The following VPS13D variants were observed in gnomAD, a reference collection of about 807,000 sequenced individuals.
The protein encoded by VPS13D is intermembrane lipid transfer protein VPS13D.
A neutral mutation model predicts 461.9 loss-of-function variants in VPS13D; 187 were observed. That is an observed-to-expected ratio of 0.40 (90% confidence interval 0.36 to 0.46). VPS13D has a LOEUF of 0.46. Among genes scored for constraint, VPS13D ranks in the 20% least tolerant of loss-of-function variants. The pLI is 0.60. For synonymous variants in VPS13D, 1,951 were observed against 1,986.3 expected, an observed-to-expected ratio of 0.98 and a Z score of 0.47; for missense variants, 4,711 against 5,364.9, an observed-to-expected ratio of 0.88 and a Z score of 3.81.
chr1:12,358,581 C>G lies in VPS13D; in HGVS notation c.10121C>G (p.Pro3374Arg), dbSNP rs751742145. ...AAAGTCATCCAGCAAGGAAACCGCC[C>G]AGGGCTGATCTATAACATTGGTGGG... ...ALKVIQQGNR[P>R]GLIYNIGIDV... The change falls in exon 50 of 70, where the codon CCA becomes CGA. Residue 3374 changes from proline to arginine, a missense_variant. Coordinates refer to ENST00000620676, the MANE Select transcript of VPS13D (RefSeq NM_015378.4). 1 of 1,614,068 alleles carries G rather than the reference C, an allele frequency of 6.2e-7. No individual in the cohort carries two copies. Among genetic ancestry groups the G allele is most frequent in the South Asian group, 1.1e-5 (1 of 91,078 alleles).
chr1:12,262,801 T>A (rs1641151944), intron 13 of VPS13D, among the ~76,000 whole-genome samples: 1 of 151,932 alleles, frequency 6.6e-6, no homozygotes, highest in African/African-American at 2.4e-5. Flanking sequence ...CCTCTTGGGT[T>A]CAAGCGATTT....
In VPS13D at chr1:12,491,416, T is replaced by G. The variant is rs559372833; in HGVS notation, c.12663-6084T>G. ...CAGCATCTGTCTTAACTAACAGACC[T>G]ATGACATAGTTACTCATCGTATAAG... On this transcript the variant is annotated intron_variant, in intron 67 of 69. Transcript: ENST00000620676. Among the ~76,000 whole-genome samples, 3 of 152,368 alleles carry G rather than the reference T, an allele frequency of 2.0e-5. No homozygotes were observed. In the East Asian group the frequency reaches 5.8e-4, roughly 29 times the overall value.
intron 55 of VPS13D, among the ~76,000 whole-genome samples, chr1:12,377,723 G>A (rs1213066674): frequency 2.7e-5 from 4 of 150,404 alleles, no homozygotes; most frequent in Non-Finnish European, 2.9e-5. Flanking sequence ...GGGAGGCTGA[G>A]GCAGGAGAAT....
At chr1:12,247,886 ATTT>A (rs573458027) in intron 5 of VPS13D, among the ~76,000 whole-genome samples, 6 of 118,818 alleles carry the variant, frequency 5.0e-5, no homozygotes, top group Admixed American at 1.7e-4. Flanking sequence ...GTATTTTTGT[ATTT>A]TTTTTTTTTT....
intron 37 of VPS13D, among the ~76,000 whole-genome samples, chr1:12,330,237 G>A (rs1276278367): frequency 2.6e-5 from 4 of 152,066 alleles, no homozygotes; most frequent in Non-Finnish European, 4.4e-5. Flanking sequence ...CCAATGTGGC[G>A]AAACCCTGTC....
intron 29 of VPS13D, among the ~76,000 whole-genome samples, chr1:12,313,146 C>T (rs544526052): frequency 6.6e-6 from 1 of 152,098 alleles, no homozygotes; most frequent in South Asian, 2.1e-4. Context: ...GACTTCAAGG[C>T]CAGTGATTCC....
intron 67 of VPS13D, among the ~76,000 whole-genome samples, chr1:12,486,786 G>A (rs917269422): frequency 6.6e-6 from 1 of 152,198 alleles, no homozygotes; most frequent in Non-Finnish European, 1.5e-5. Flanking sequence ...GGCTTCGGAA[G>A]CAGCACGTCT....
At chr1:12,480,317 G>C (rs543348986) in intron 67 of VPS13D, among the ~76,000 whole-genome samples, 5 of 152,322 alleles carry the variant, frequency 3.3e-5, no homozygotes, top group South Asian at 2.1e-4. Context: ...GACTGTCCCA[G>C]GTGCATGTGC....
intron 67 of VPS13D, among the ~76,000 whole-genome samples, chr1:12,486,429 C>G (rs1463496460): frequency 3.9e-5 from 6 of 152,188 alleles, no homozygotes; most frequent in Non-Finnish European, 7.3e-5. Context: ...GTGACCTGAT[C>G]CCTTGGTCAG....
intron 44 of VPS13D, among the ~76,000 whole-genome samples, chr1:12,347,871 G>A (rs563865878): frequency 2.0e-5 from 3 of 152,258 alleles, no homozygotes; most frequent in African/African-American, 7.2e-5. Context: ...CCTGTCACAT[G>A]GTATTAGCAC....
intron 60 of VPS13D, among the ~76,000 whole-genome samples, chr1:12,386,814 G>A (rs1644356145): frequency 6.6e-6 from 1 of 152,216 alleles, no homozygotes; most frequent in African/African-American, 2.4e-5. Flanking sequence ...TGCTTTGACA[G>A]GTGGGAAACA....
chr1:12,252,343 C>T (rs939875529), intron 6 of VPS13D, among the ~76,000 whole-genome samples: 3 of 152,146 alleles, frequency 2.0e-5, no homozygotes, highest in Middle Eastern at 3.2e-3. Flanking sequence ...AATACTGCCC[C>T]CACCGCACAC....
At chr1:12,429,190 G>A (rs1203826225) in intron 65 of VPS13D, among the ~76,000 whole-genome samples, 2 of 151,790 alleles carry the variant, frequency 1.3e-5, no homozygotes, top group Non-Finnish European at 2.9e-5. Flanking sequence ...TTGTATCCAT[G>A]TGGGCTGTCT....
chr1:12,254,774 C>T (rs929199702), intron 7 of VPS13D, among the ~76,000 whole-genome samples: 22 of 150,400 alleles, frequency 1.5e-4, no homozygotes, highest in African/African-American at 3.9e-4. Flanking sequence ...GTGATCCACC[C>T]GCCTTGGCCT....
At chr1:12,477,077 A>G (rs1257141441) in intron 67 of VPS13D, among the ~76,000 whole-genome samples, 2 of 152,226 alleles carry the variant, frequency 1.3e-5, no homozygotes, top group Non-Finnish European at 2.9e-5. Context: ...GTGGGCATGT[A>G]GTTGCTAGTA....
chr1:12,427,762 GTACTTCT>G (rs950223690), intron 65 of VPS13D, among the ~76,000 whole-genome samples: 1 of 152,134 alleles, frequency 6.6e-6, no homozygotes, highest in African/African-American at 2.4e-5. Context: ...AGGGACAGCT[GTACTTCT>G]TAACCTGATA....
chr1:12,492,097 AC>A lies in VPS13D; in HGVS notation c.12663-5400del, dbSNP rs540080770. Among the ~76,000 whole-genome samples the A allele has an allele frequency of 2.2e-4, 33 of 152,298 alleles. 1 individual carries two copies. In the South Asian group the frequency reaches 6.4e-3, roughly 30 times the overall value. Reference sequence around the variant, plus strand: ...TTGTCCCCAGAATTATTGTATCAAGACCCTGCCCAAGTAGCAGCAAAGGTGG... The same window carrying A: ...TTGTCCCCAGAATTATTGTATCAAGACCTGCCCAAGTAGCAGCAAAGGTGG... On this transcript the variant is annotated intron_variant, in intron 67 of 69. Transcript: ENST00000620676.
intron 18 of VPS13D, among the ~76,000 whole-genome samples, chr1:12,275,579 T>G (rs571631078): frequency 6.6e-6 from 1 of 152,186 alleles, no homozygotes; most frequent in African/African-American, 2.4e-5. Context: ...CAGGTGGCGC[T>G]CATGTCAGGG....
At chr1:12,312,558 G>A (rs1003945748) in intron 29 of VPS13D, among the ~76,000 whole-genome samples, 2 of 152,164 alleles carry the variant, frequency 1.3e-5, no homozygotes, top group African/African-American at 4.8e-5. Flanking sequence ...AGGAATTCCA[G>A]ACTGGCCTGG....
Sources: allele counts gnomAD v4.1 joint callset (sites outside exome capture counted in the v4.1 genomes callset), GRCh38; gene constraint gnomAD v4.1.1; transcripts MANE v1.5; gene names NCBI Gene and HGNC (gene_info 2026-07-23, HGNC 2026-07-21).